HMGCLL1: variants seen among roughly 807,000 people sequenced by gnomAD.
The protein encoded by HMGCLL1 is 3-hydroxy-3-methylglutaryl-CoA lyase like 1, also known as 3-hydroxymethyl-3-methylglutaryl-CoA lyase, cytoplasmic.
Under a neutral mutation model 39.1 loss-of-function variants are expected in HMGCLL1, and 36 were observed. That is an observed-to-expected ratio of 0.92 (90% CI 0.71 to 1.22). The LOEUF (loss-of-function observed/expected upper bound fraction) is 1.22, where lower values mean the gene tolerates loss of function less well. Among genes scored for constraint, HMGCLL1 ranks in the 50% most tolerant of loss-of-function variants. The pLI is 0.00. For synonymous variants in HMGCLL1, 149 were observed against 144.0 expected, an observed-to-expected ratio of 1.03 and a Z score of -0.25; for missense variants, 451 against 416.5, an observed-to-expected ratio of 1.08 and a Z score of -0.72.
chr6:55,436,425 C>A (rs1049656060), intron 8 of HMGCLL1, among the ~76,000 whole-genome samples: 17 of 152,040 alleles, frequency 1.1e-4, no homozygotes, highest in African/African-American at 4.1e-4. Flanking sequence ...GACAGATATG[C>A]AGCTGGGTAT....
the HMGCLL1 span, among the ~76,000 whole-genome samples, chr6:55,614,470 A>G: frequency 5.9e-5 from 9 of 152,122 alleles, no homozygotes; most frequent in African/African-American, 1.7e-4. Flanking sequence ...ATAAATGTCT[A>G]TTGTTTAAGT....
At chr6:55,532,616 G>A (rs935193386) in intron 3 of HMGCLL1, among the ~76,000 whole-genome samples, 1 of 151,674 alleles carries the variant, frequency 6.6e-6, no homozygotes, top group Non-Finnish European at 1.5e-5. Context: ...GCCTGGCCAA[G>A]ATGGTGAAAC....
chr6:55,650,240 A>G, the HMGCLL1 span, among the ~76,000 whole-genome samples: 9 of 149,904 alleles, frequency 6.0e-5, no homozygotes, highest in East Asian at 1.8e-3. Flanking sequence ...ATGCTTATAA[A>G]TGTTCTTCAG....
chr6:55,643,541 A>G, the HMGCLL1 span, among the ~76,000 whole-genome samples: 4 of 151,960 alleles, frequency 2.6e-5, no homozygotes, highest in African/African-American at 9.7e-5. Context: ...GCTATCAAAT[A>G]CTACATATTA....
the HMGCLL1 span, among the ~76,000 whole-genome samples, chr6:55,620,654 G>GACACAC: frequency 1.3e-5 from 2 of 149,446 alleles, no homozygotes; most frequent in South Asian, 2.1e-4. Context: ...CAGACACACA[G>GACACAC]ACACACACAC....
At chr6:55,573,158 C>G (rs781666318) in intron 1 of HMGCLL1, among the ~76,000 whole-genome samples, 18 of 152,144 alleles carry the variant, frequency 1.2e-4, no homozygotes, top group Non-Finnish European at 1.9e-4. Flanking sequence ...AAGTAAAGCC[C>G]TTACAAGTAA....
intron 8 of HMGCLL1, among the ~76,000 whole-genome samples, chr6:55,438,520 C>T (rs561547637): frequency 4.6e-5 from 7 of 152,082 alleles, no homozygotes; most frequent in East Asian, 1.9e-4. Flanking sequence ...AGATGCCAGA[C>T]GGCTTATTTT....
At chr6:55,670,339 A>G in the HMGCLL1 span, among the ~76,000 whole-genome samples, 4 of 151,888 alleles carry the variant, frequency 2.6e-5, no homozygotes, top group Non-Finnish European at 5.9e-5. Flanking sequence ...CCTGCTATTT[A>G]ATAAAGAATT....
At chr6:55,650,582 A>G in the HMGCLL1 span, among the ~76,000 whole-genome samples, 1 of 152,138 alleles carries the variant, frequency 6.6e-6, no homozygotes, top group East Asian at 2.0e-4. Flanking sequence ...GAAGCTGGCC[A>G]GCACCAAGTT....
At position 55,436,805 on chromosome 6, in the gene HMGCLL1, T is replaced by C. The variant is rs61596477; in HGVS notation, c.922-1042A>G. ...AGCTAATTACTTATCTCTTTAAGAATTAAAAATATTTTGTAAAGTGATACT... is the reference window on the plus strand; with the variant it reads ...AGCTAATTACTTATCTCTTTAAGAACTAAAAATATTTTGTAAAGTGATACT... On this transcript the variant is annotated intron_variant, in intron 8 of 8. Coordinates refer to ENST00000274901, the MANE Select transcript of HMGCLL1 (RefSeq NM_001042406.2). Among the ~76,000 whole-genome samples, 444 of 152,192 alleles carry C rather than the reference T, an allele frequency of 2.9e-3. 3 individuals carry two copies. Among genetic ancestry groups the C allele is most frequent in the Middle Eastern group, 0.02 (6 of 294 alleles).
At chr6:55,511,640 C>G (rs1312327069) in intron 5 of HMGCLL1, among the ~76,000 whole-genome samples, 1 of 152,070 alleles carries the variant, frequency 6.6e-6, no homozygotes, top group South Asian at 2.1e-4. Flanking sequence ...GCTGAAGCAT[C>G]TACTGCAGTT....
the HMGCLL1 span, among the ~76,000 whole-genome samples, chr6:55,667,335 G>A: frequency 3.3e-5 from 5 of 151,808 alleles, no homozygotes; most frequent in Admixed American, 1.3e-4. Flanking sequence ...ATAATACTAA[G>A]CATAGCTGAA....
chr6:55,511,004 A>G lies in HMGCLL1; in HGVS notation c.542+3044T>C, dbSNP rs570515847. On this transcript the variant is annotated intron_variant, in intron 5 of 8. Coordinates refer to ENST00000274901, the MANE Select transcript of HMGCLL1 (RefSeq NM_001042406.2). ...TTTAGACAAAAATAATAAATTCTGA[A>G]TGTCTTATATATTAAAGTACTACTT... is the stretch of plus-strand genomic sequence containing the variant. Among the ~76,000 whole-genome samples the G allele has an allele frequency of 8.6e-5, 13 of 151,974 alleles. 1 individual carries two copies. Among genetic ancestry groups the G allele is most frequent in the African/African-American group, 1.4e-4 (6 of 41,514 alleles).
At chr6:55,524,484 A>G (rs1768208553) in intron 3 of HMGCLL1, among the ~76,000 whole-genome samples, 1 of 137,036 alleles carries the variant, frequency 7.3e-6, no homozygotes, top group Non-Finnish European at 1.6e-5. Flanking sequence ...AAAAAACGGG[A>G]TCCTCCAAAT....
At chr6:55,508,561 G>A (rs1767281229) in intron 5 of HMGCLL1, among the ~76,000 whole-genome samples, 1 of 151,690 alleles carries the variant, frequency 6.6e-6, no homozygotes, top group South Asian at 2.1e-4. Context: ...CACTTTTCAG[G>A]AATTCATAGT....
the HMGCLL1 span, among the ~76,000 whole-genome samples, chr6:55,631,968 A>G: frequency 6.6e-6 from 1 of 152,102 alleles, no homozygotes; most frequent in East Asian, 1.9e-4. Flanking sequence ...ATTTTTCTGG[A>G]AAGTTTTTCT....
the HMGCLL1 span, among the ~76,000 whole-genome samples, chr6:55,609,094 C>A: frequency 6.6e-6 from 1 of 152,188 alleles, no homozygotes; most frequent in Non-Finnish European, 1.5e-5. Context: ...CCCACGCCAC[C>A]GGGGCCTTGC....
chr6:55,632,186 A>T, the HMGCLL1 span, among the ~76,000 whole-genome samples: 1 of 152,110 alleles, frequency 6.6e-6, no homozygotes, highest in East Asian at 1.9e-4. Flanking sequence ...AAAATAAAAC[A>T]GCTGCAGAAC....
chr6:55,538,424 G>T (rs1490356202), intron 3 of HMGCLL1, among the ~76,000 whole-genome samples: 3 of 152,098 alleles, frequency 2.0e-5, no homozygotes, highest in Admixed American at 2.0e-4. Context: ...AAAGACAGAA[G>T]TAAATTTATG....
Sources: allele counts gnomAD v4.1 joint callset (sites outside exome capture counted in the v4.1 genomes callset), GRCh38; gene constraint gnomAD v4.1.1; transcripts MANE v1.5; gene names NCBI Gene and HGNC (gene_info 2026-07-23, HGNC 2026-07-21).